Variants in ADAM12 observed in about 807,000 individuals in gnomAD.
ADAM12 encodes disintegrin and metalloproteinase domain-containing protein 12.
Under a neutral mutation model 106.4 loss-of-function variants are expected in ADAM12, and 70 were observed. The observed-to-expected ratio is 0.66, with a 90% CI of 0.54 to 0.80. The LOEUF (loss-of-function observed/expected upper bound fraction) is 0.80, where lower values mean the gene tolerates loss of function less well. Among genes scored for constraint, ADAM12 ranks in the 30% least tolerant of loss-of-function variants. ADAM12 has a pLI of 0.00. For synonymous variants in ADAM12, 420 were observed against 433.5 expected, an observed-to-expected ratio of 0.97 and a Z score of 0.39; for missense variants, 1,010 against 1,171.9, an observed-to-expected ratio of 0.86 and a Z score of 2.02.
chr10:126,280,328 C>A (rs1331929040), intron 2 of ADAM12, among the ~76,000 whole-genome samples: 1 of 152,136 alleles, frequency 6.6e-6, no homozygotes, highest in African/African-American at 2.4e-5. Context: ...TTAGGGCAGC[C>A]CTTTGCATAT....
chr10:126,331,424 T>C (rs1387131104), intron 1 of ADAM12, among the ~76,000 whole-genome samples: 1 of 152,214 alleles, frequency 6.6e-6, no homozygotes, highest in East Asian at 1.9e-4. Context: ...TTCACATTTA[T>C]TGGGCACAAA....
At chr10:126,098,307 TC>T (rs1345596612) in intron 10 of ADAM12, 108 bp downstream of exon 10, 12 of 873,646 alleles carry the variant, frequency 1.4e-5, no homozygotes, top group Non-Finnish European at 2.2e-5. Context: ...TAGAGTTAAA[TC>T]TAAAAAGCAT....
intron 11 of ADAM12, among the ~76,000 whole-genome samples, chr10:126,078,207 T>C (rs1197670412): frequency 6.6e-6 from 1 of 152,196 alleles, no homozygotes; most frequent in African/African-American, 2.4e-5. Context: ...GATGGCAGAA[T>C]ACAACTTTGA....
At chr10:126,035,282 T>C (rs1000334728) in intron 21 of ADAM12, among the ~76,000 whole-genome samples, 4 of 152,142 alleles carry the variant, frequency 2.6e-5, no homozygotes, top group African/African-American at 9.7e-5. Context: ...TTTAAGAATC[T>C]CTCCTAGGGG....
At chr10:126,085,650 G>A (rs1242153628) in intron 11 of ADAM12, among the ~76,000 whole-genome samples, 3 of 151,156 alleles carry the variant, frequency 2.0e-5, no homozygotes, top group South Asian at 2.1e-4. Flanking sequence ...TCCATCCTTT[G>A]TCTGTCTGTC....
intron 4 of ADAM12, chr10:126,145,608 C>T (rs1956612411): frequency 6.6e-6 from 1 of 152,332 alleles, no homozygotes; most frequent in Admixed American, 6.5e-5. Context: ...TAGAGTCAGA[C>T]TATCTGGGTT....
At chr10:126,183,127 G>C (rs1957344064) in intron 3 of ADAM12, among the ~76,000 whole-genome samples, 1 of 152,282 alleles carries the variant, frequency 6.6e-6, no homozygotes, top group Middle Eastern at 3.4e-3. Flanking sequence ...CCTAAGGCCT[G>C]GTGATCTGTC....
At chr10:126,108,304 G>A (rs563294287) in intron 8 of ADAM12, among the ~76,000 whole-genome samples, 2 of 152,254 alleles carry the variant, frequency 1.3e-5, no homozygotes, top group Non-Finnish European at 2.9e-5. Flanking sequence ...AGGGGTTCTG[G>A]AGCTAATCGG....
At chr10:126,182,635 C>T (rs1957333716) in intron 3 of ADAM12, among the ~76,000 whole-genome samples, 1 of 152,034 alleles carries the variant, frequency 6.6e-6, no homozygotes, top group Admixed American at 6.6e-5. Flanking sequence ...TGTGAAGAGC[C>T]CAGATTTCAT....
intron 3 of ADAM12, among the ~76,000 whole-genome samples, chr10:126,163,292 AG>A (rs1165624117): frequency 6.6e-6 from 1 of 152,162 alleles, no homozygotes. Flanking sequence ...ACGTCATGGG[AG>A]CAGGTGACTC....
At chr10:126,189,702 G>T (rs1037394413) in intron 3 of ADAM12, among the ~76,000 whole-genome samples, 2 of 152,090 alleles carry the variant, frequency 1.3e-5, no homozygotes, top group African/African-American at 2.4e-5. Context: ...CAGGGGCACC[G>T]GAATCTACCT....
intron 1 of ADAM12, among the ~76,000 whole-genome samples, chr10:126,343,048 C>CT (rs1190930064): frequency 6.6e-6 from 1 of 151,960 alleles, no homozygotes; most frequent in African/African-American, 2.4e-5. Flanking sequence ...ATATTTTTTT[C>CT]TTTTTTTATT....
At position 126,066,341 on chromosome 10, in the gene ADAM12, AC is replaced by A. The variant is rs1384421446; in HGVS notation, c.1413+375del. On this transcript the variant is annotated intron_variant, in intron 13 of 22. Transcript: ENST00000448723. This position sits in a 1 kb window ranked among gnomAD's most constrained non-coding sequence, Gnocchi z 5.1. ...GATGTCCGCGGGATCAAGAAGATGA[AC>A]CTGGGGGAACCTGAGTGACAGTGGA... is the stretch of plus-strand genomic sequence containing the variant. 6.6e-6 allele frequency among the ~76,000 whole-genome samples: 1 copy of A among 152,212 alleles called. No individual in the cohort carries two copies. The highest frequency in any genetic ancestry group is 1.5e-5 in the Non-Finnish European group (1 of 68,042).
At chr10:126,334,037 C>T (rs1053544627) in intron 1 of ADAM12, among the ~76,000 whole-genome samples, 13 of 152,062 alleles carry the variant, frequency 8.5e-5, no homozygotes, top group Non-Finnish European at 1.2e-4. Context: ...GTCAGAAGAC[C>T]GTTTCTTATG....
chr10:126,086,651 CAAAAAAAAAAAAAAA>C (rs1171936921), intron 11 of ADAM12, among the ~76,000 whole-genome samples: 2 of 16,926 alleles, frequency 1.2e-4, no homozygotes, highest in East Asian at 2.7e-3. Context: ...GACTCTGCCT[CAAAAAAAAAAAAAAA>C]AAAAAAAAAA....
chr10:126,017,877 AG>A (rs1387795558), intron 22 of ADAM12, among the ~76,000 whole-genome samples: 4 of 152,218 alleles, frequency 2.6e-5, no homozygotes, highest in African/African-American at 9.6e-5. Context: ...AACTGACCAG[AG>A]GTAAGATTGG....
chr10:126,034,593 G>A (rs1954025711), intron 21 of ADAM12, among the ~76,000 whole-genome samples: 1 of 152,062 alleles, frequency 6.6e-6, no homozygotes. Flanking sequence ...AAATATGAAT[G>A]TTCTAAACAC....
rs994270495 is a variant in ADAM12 at position 126,383,809 on chromosome 10, G to A, written c.88+4249C>T. ...TGTTTATCTATATATTTTATACAAG[G>A]TATGCCAGAGACACATTCCAACCTT... On this transcript the variant is annotated intron_variant, in intron 1 of 22. Transcript: ENST00000448723. 3.3e-5 allele frequency among the ~76,000 whole-genome samples: 5 copies of A among 152,052 alleles called. No homozygotes were observed. The South Asian group carries it at 1.0e-3, about 32-fold the overall frequency.
At chr10:126,142,503 G>A (rs545555932) in intron 4 of ADAM12, among the ~76,000 whole-genome samples, 5 of 152,336 alleles carry the variant, frequency 3.3e-5, no homozygotes, top group East Asian at 1.9e-4. Context: ...GCAGTTTTCC[G>A]CCCTGGGTGG....
Sources: allele counts gnomAD v4.1 joint callset (sites outside exome capture counted in the v4.1 genomes callset), GRCh38; gene constraint gnomAD v4.1.1; non-coding constraint Gnocchi (gnomAD v3.1); transcripts MANE v1.5; gene names NCBI Gene and HGNC (gene_info 2026-07-23, HGNC 2026-07-21).